MTUS2: variants seen among roughly 807,000 people sequenced by gnomAD.
MTUS2 encodes the protein microtubule associated scaffold protein 2.
Under a neutral mutation model 114.1 loss-of-function variants are expected in MTUS2, and 40 were observed. The ratio of observed to expected loss-of-function variants is 0.35; its 90% confidence interval spans 0.27 to 0.46. MTUS2 has a LOEUF of 0.46. Among genes scored for constraint, MTUS2 ranks in the 20% least tolerant of loss-of-function variants. The pLI, the probability that MTUS2 is intolerant of heterozygous loss-of-function variation, is 1.00. For synonymous variants in MTUS2, 688 were observed against 672.0 expected, an observed-to-expected ratio of 1.02 and a Z score of -0.37; for missense variants, 1,679 against 1,705.4, an observed-to-expected ratio of 0.98 and a Z score of 0.27.
At position 28,913,451 on chromosome 13, in the gene MTUS2, C is replaced by T. The variant is rs1478745226; in HGVS notation, c.-243+73601C>T. 3.3e-5 allele frequency among the ~76,000 whole-genome samples: 5 copies of T among 152,190 alleles called. No homozygotes were observed. In the East Asian group the frequency reaches 5.8e-4, roughly 18 times the overall value. On this transcript the variant is annotated intron_variant, in intron 2 of 15. Coordinates refer to ENST00000612955, the MANE Select transcript of MTUS2 (RefSeq NM_001033602.4). ...GATATGTTGAACCAATCTTGCGTCA[C>T]GGGGATGAAGCTAACTTAGTTGTGG...
chr13:29,204,639 T>A (rs1362701267), intron 5 of MTUS2, among the ~76,000 whole-genome samples: 1 of 152,176 alleles, frequency 6.6e-6, no homozygotes, highest in Non-Finnish European at 1.5e-5. Flanking sequence ...GGGCCCAATG[T>A]TTCTGGGCTC....
At chr13:29,079,334 T>A (rs144582892) in intron 4 of MTUS2, among the ~76,000 whole-genome samples, 1 of 152,234 alleles carries the variant, frequency 6.6e-6, no homozygotes, top group Non-Finnish European at 1.5e-5. Context: ...TAGACACTTA[T>A]TTGCAAATAT....
chr13:28,834,210 A>T (rs1206768181), intron 1 of MTUS2, among the ~76,000 whole-genome samples: 3 of 152,132 alleles, frequency 2.0e-5, no homozygotes, highest in Non-Finnish European at 2.9e-5. Context: ...AGGGACCCAG[A>T]ATAGTCAATG....
At chr13:29,421,094 A>T (rs1356796453) in intron 8 of MTUS2, among the ~76,000 whole-genome samples, 1 of 152,194 alleles carries the variant, frequency 6.6e-6, no homozygotes, top group Non-Finnish European at 1.5e-5. Flanking sequence ...TGGTTATTAT[A>T]TCAAAGGTGC....
In MTUS2 at chr13:29,141,732, T is replaced by C. The variant is rs983415314; in HGVS notation, c.2644+40762T>C. On this transcript the variant is annotated intron_variant, in intron 5 of 15. Coordinates refer to ENST00000612955, the MANE Select transcript of MTUS2 (RefSeq NM_001033602.4). Reference sequence around the variant, plus strand: ...AAAGAAATGTGGCATTAGCCAAATATGTGTAATGAGCATAAAATTTGTGCA... The same window carrying C: ...AAAGAAATGTGGCATTAGCCAAATACGTGTAATGAGCATAAAATTTGTGCA... Among the ~76,000 whole-genome samples the C allele has an allele frequency of 2.0e-5, 3 of 152,230 alleles. No individual in the cohort carries two copies. The East Asian group carries it at 5.8e-4, about 29-fold the overall frequency.
At chr13:29,252,778 T>C (rs997984023) in intron 5 of MTUS2, among the ~76,000 whole-genome samples, 2 of 152,064 alleles carry the variant, frequency 1.3e-5, no homozygotes, top group Non-Finnish European at 2.9e-5. Context: ...GATCTGATGG[T>C]TTTATAAGGG....
chr13:29,233,095 T>G (rs1896397340), intron 5 of MTUS2, among the ~76,000 whole-genome samples: 1 of 152,218 alleles, frequency 6.6e-6, no homozygotes, highest in Non-Finnish European at 1.5e-5. Context: ...TTCCATCATG[T>G]GTTGGCCTTA....
chr13:29,204,143 A>G (rs926556786), intron 5 of MTUS2, among the ~76,000 whole-genome samples: 1 of 151,982 alleles, frequency 6.6e-6, no homozygotes, highest in Non-Finnish European at 1.5e-5. Flanking sequence ...TATTTTTAGT[A>G]GAGACGGGGT....
At chr13:29,385,238 G>C (rs1179039081) in intron 8 of MTUS2, among the ~76,000 whole-genome samples, 1 of 152,234 alleles carries the variant, frequency 6.6e-6, no homozygotes, top group Admixed American at 6.5e-5. Flanking sequence ...GGTCCAACCA[G>C]AAGATCATGT....
intron 2 of MTUS2, among the ~76,000 whole-genome samples, chr13:28,853,304 A>AT (rs1445786638): frequency 2.0e-5 from 3 of 152,242 alleles, no homozygotes; most frequent in African/African-American, 7.2e-5. Context: ...GCAGCAGCAC[A>AT]TTGAATTGTT....
At chr13:28,903,055 G>A (rs375264668) in intron 2 of MTUS2, among the ~76,000 whole-genome samples, 4 of 151,870 alleles carry the variant, frequency 2.6e-5, no homozygotes, top group East Asian at 3.9e-4. Context: ...GGTAATTTGC[G>A]GTTTTTGAGA....
intron 2 of MTUS2, among the ~76,000 whole-genome samples, chr13:28,892,650 A>T (rs949043851): frequency 6.6e-6 from 1 of 151,992 alleles, no homozygotes; most frequent in African/African-American, 2.4e-5. Flanking sequence ...TGGATTGGGC[A>T]TTTTTTCCTT....
intron 8 of MTUS2, among the ~76,000 whole-genome samples, chr13:29,425,047 G>A (rs940884841): frequency 6.6e-6 from 1 of 152,168 alleles, no homozygotes; most frequent in Non-Finnish European, 1.5e-5. Context: ...GGTTAGGTAA[G>A]AAAATGTTCA....
At chr13:29,217,784 C>G (rs1329483264) in intron 5 of MTUS2, among the ~76,000 whole-genome samples, 3 of 152,140 alleles carry the variant, frequency 2.0e-5, no homozygotes, top group Non-Finnish European at 2.9e-5. Flanking sequence ...CTATATCAAC[C>G]AAGTTTATCT....
At chr13:29,027,208 A>G (rs767503202) in intron 3 of MTUS2, among the ~76,000 whole-genome samples, 7 of 152,218 alleles carry the variant, frequency 4.6e-5, no homozygotes, top group Non-Finnish European at 1.0e-4. Context: ...CCATGTTTAA[A>G]TAAGTGAATA....
At chr13:29,261,687 G>A (rs1457028949) in intron 5 of MTUS2, among the ~76,000 whole-genome samples, 1 of 152,134 alleles carries the variant, frequency 6.6e-6, no homozygotes, top group Non-Finnish European at 1.5e-5. Flanking sequence ...AATTTAAATT[G>A]GGTTCACATC....
intron 6 of MTUS2, among the ~76,000 whole-genome samples, chr13:29,297,284 A>G (rs1898989876): frequency 6.6e-6 from 1 of 152,214 alleles, no homozygotes; most frequent in African/African-American, 2.4e-5. Context: ...AGTATTTTAG[A>G]TACCAGGCAT....
chr13:29,151,585 A>G (rs1358186344), intron 5 of MTUS2, among the ~76,000 whole-genome samples: 1 of 152,152 alleles, frequency 6.6e-6, no homozygotes, highest in Non-Finnish European at 1.5e-5. Context: ...AAAAAGAATG[A>G]TGAGATTAGG....
intron 8 of MTUS2, among the ~76,000 whole-genome samples, chr13:29,417,829 G>A (rs1270049014): frequency 6.6e-6 from 1 of 151,992 alleles, no homozygotes; most frequent in Non-Finnish European, 1.5e-5. Flanking sequence ...GAGATGTGTT[G>A]GATCTTATTT....
Sources: allele counts gnomAD v4.1 joint callset (sites outside exome capture counted in the v4.1 genomes callset), GRCh38; gene constraint gnomAD v4.1.1; transcripts MANE v1.5; gene names NCBI Gene and HGNC (gene_info 2026-07-23, HGNC 2026-07-21).